The following TNS4 variants were observed in gnomAD, a reference collection of about 807,000 sequenced individuals.
TNS4 encodes tensin-4.
TNS4 carries 46 observed loss-of-function variants against 70.4 expected under a neutral mutation model. The ratio of observed to expected loss-of-function variants is 0.65; its 90% CI spans 0.52 to 0.84. The LOEUF (loss-of-function observed/expected upper bound fraction) is 0.84. TNS4 is among the 40% of genes least tolerant of loss of function. TNS4 has a pLI of 0.00. For synonymous variants in TNS4, 390 were observed against 366.6 expected (o/e 1.06, Z -0.73); for missense variants, 863 against 907.0 (o/e 0.95, Z 0.62).
intron 2 of TNS4, among the ~76,000 whole-genome samples, chr17:40,491,432 G>A (rs1378220606): frequency 6.6e-6 from 1 of 152,222 alleles, no homozygotes; most frequent in Non-Finnish European, 1.5e-5. Context: ...AAGGTGAAGT[G>A]AGTTATCCAA....
chr17:40,492,909 T>C (rs2036094630), intron 2 of TNS4, among the ~76,000 whole-genome samples: 1 of 151,954 alleles, frequency 6.6e-6, no homozygotes, highest in Non-Finnish European at 1.5e-5. Context: ...TAGCTGGGCA[T>C]AGTGGTGGGC....
rs1246265585 is a variant in TNS4 at position 40,488,784 on chromosome 17, T to C, written c.625A>G (p.Arg209Gly). Residue 209 changes from arginine to glycine, a missense_variant, in exon 3 of 13, where the codon AGG becomes GGG. Coordinates refer to ENST00000254051, the MANE Select transcript of TNS4 (RefSeq NM_032865.6). ...ESLIFSGNQG[R>G]GHQRPLPPSE... is the part of the protein sequence containing the mutation. ...GGGGGCAGAGGGCGCTGGTGCCCCC[T>C]GCCCTGGTTCCCAGAGAAGATGAGG... is the stretch of plus-strand genomic sequence containing the variant. 6.2e-7 allele frequency: 1 copy of C among 1,611,530 alleles called. No individual in the cohort carries two copies. Among genetic ancestry groups the C allele is most frequent in the Non-Finnish European group, 8.5e-7 (1 of 1,179,426 alleles).
intron 11 of TNS4, 93 bp from the exon 12 acceptor site, chr17:40,478,426 C>A (rs947291533): frequency 1.4e-4 from 214 of 1,521,106 alleles, no homozygotes; most frequent in Non-Finnish European, 1.8e-4. Context: ...TGCGTCCCCA[C>A]CCCACCATGC....
rs370225534 is a variant in TNS4 at position 40,479,391 on chromosome 17, C to T, written c.1910+283G>A. Among the ~76,000 whole-genome samples the T allele has an allele frequency of 4.6e-4, 70 of 152,346 alleles. No homozygotes were observed. In the South Asian group the frequency reaches 0.014, roughly 31 times the overall value. On this transcript the variant is annotated intron_variant, in intron 10 of 12. Transcript: ENST00000254051. Reference sequence around the variant, plus strand: ...CGAACTCCTGACCTCAGGTGATCCGCCCGCCTCGGCCTCCCAAAGTGCTGG... The same window carrying T: ...CGAACTCCTGACCTCAGGTGATCCGTCCGCCTCGGCCTCCCAAAGTGCTGG...
In TNS4 at chr17:40,484,251, G is replaced by C. The variant is rs549951970; in HGVS notation, c.1501+233C>G. 1.1e-4 allele frequency among the ~76,000 whole-genome samples: 16 copies of C among 152,304 alleles called. No individual in the cohort carries two copies. In the East Asian group the frequency reaches 2.1e-3, roughly 20 times the overall value. On this transcript the variant is annotated intron_variant, in intron 6 of 12. Transcript: ENST00000254051. The stretch of plus-strand genomic sequence containing the variant: ...CACCATCAGAAAAAAGCAGGGAAGT[G>C]GGGGTGGGGCTCGGGAAGGCAGAAG...
rs550478960 is a variant in TNS4 at position 40,496,299 on chromosome 17, A to C, written c.127T>G (p.Tyr43Asp). The C allele has an allele frequency of 1.8e-5, 29 of 1,613,348 alleles. No individual in the cohort carries two copies. In the South Asian group the frequency reaches 2.6e-4, roughly 15 times the overall value. ...SPSLPPQCSY[Y>D]TTEGWGAQAL... The stretch of plus-strand genomic sequence containing the variant: ...TGGGCTCCCCAGCCTTCCGTGGTGT[A>C]GTAAGAACACTGGGGTGGCAGGCTG... The change falls in exon 2 of 13, where the codon TAC becomes GAC. Residue 43 changes from tyrosine to aspartate, a missense_variant. Tyr to Asp is a radical substitution (Grantham distance 160, BLOSUM62 -3). Coordinates refer to ENST00000254051, the MANE Select transcript of TNS4 (RefSeq NM_032865.6).
intron 8 of TNS4, among the ~76,000 whole-genome samples, chr17:40,481,651 T>C (rs926409308): frequency 6.6e-6 from 1 of 152,060 alleles, no homozygotes; most frequent in African/African-American, 2.4e-5. Context: ...CAGGCGTGAG[T>C]CACCACGCCC....
intron 1 of TNS4, among the ~76,000 whole-genome samples, chr17:40,497,369 T>G (rs2036158941): frequency 6.6e-6 from 1 of 152,140 alleles, no homozygotes; most frequent in South Asian, 2.1e-4. Context: ...TTTGGGAGTC[T>G]GAGGTGGGCT....
intron 4 of TNS4, 75 bp downstream of exon 4, chr17:40,486,961 C>T: frequency 6.4e-7 from 1 of 1,552,130 alleles, no homozygotes; most frequent in African/African-American, 1.4e-5. Context: ...TGTTGACTGG[C>T]TGTTGCAGAA....
intron 2 of TNS4, among the ~76,000 whole-genome samples, chr17:40,492,699 C>T (rs2036090235): frequency 6.6e-6 from 1 of 150,978 alleles, no homozygotes; most frequent in Non-Finnish European, 1.5e-5. Flanking sequence ...CTTGAGGTAG[C>T]CTGGGCAACA....
intron 2 of TNS4, among the ~76,000 whole-genome samples, chr17:40,495,010 C>T (rs556892127): frequency 1.3e-5 from 2 of 152,086 alleles, no homozygotes; most frequent in South Asian, 4.2e-4. Context: ...TAGGAATTTC[C>T]AGGTTCCTTT....
At chr17:40,500,536 C>A (rs1414722814) in intron 1 of TNS4, among the ~76,000 whole-genome samples, 2 of 152,158 alleles carry the variant, frequency 1.3e-5, no homozygotes, top group African/African-American at 4.8e-5. Flanking sequence ...GTGCCCCCTA[C>A]CCGCTCCCAC....
chr17:40,481,410 G>T lies in TNS4; in HGVS notation c.1673-642C>A, dbSNP rs989297233. 2.0e-5 allele frequency among the ~76,000 whole-genome samples: 3 copies of T among 151,944 alleles called. No homozygotes were observed. The South Asian group carries it at 6.2e-4, about 31-fold the overall frequency. ...CTTGCTCTGTCGCTCTGTCACCCAG[G>T]CTAGAGTGCAGTGGTGCGATCTTAG... On this transcript the variant is annotated intron_variant, in intron 8 of 12. Transcript: ENST00000254051.
At position 40,479,787 on chromosome 17, in the gene TNS4, C is replaced by T; in HGVS notation, c.1797G>A (p.Leu599=). Residue 599 remains leucine (L), a synonymous_variant, in exon 10 of 13, where the codon CTG becomes CTA. Coordinates refer to ENST00000254051, the MANE Select transcript of TNS4 (RefSeq NM_032865.6). ...TGGTGGAGATGGCTTTCTGCACGGC[C>T]AGGGCTCCAGTCAGGGTCTCCACGC... The part of the protein sequence containing the change: ...SVSVETLTGA[L]AVQKAISTTF... 2 of 1,613,970 alleles carry T rather than the reference C, an allele frequency of 1.2e-6. No individual in the cohort carries two copies. The highest frequency in any genetic ancestry group is 1.7e-6 in the Non-Finnish European group (2 of 1,179,994).
intron 6 of TNS4, among the ~76,000 whole-genome samples, chr17:40,483,003 G>A (rs79091232): frequency 0.012 from 1,787 of 150,960 alleles, 39 homozygotes; most frequent in African/African-American, 0.041. Context: ...AGACTGGAGT[G>A]CAGCGGCATG....
chr17:40,477,726 G>A lies in TNS4; in HGVS notation c.2010C>T (p.Ile670=), dbSNP rs2143772806. The A allele has an allele frequency of 5.6e-6, 9 of 1,609,194 alleles. No homozygotes were observed. Among genetic ancestry groups the A allele is most frequent in the Admixed American group, 1.7e-5 (1 of 59,878 alleles). ...KWQKYCKPSW[I]FGFVAKSQTE... is the part of the protein sequence containing the mutation. The stretch of plus-strand genomic sequence containing the variant: ...TCTGGCTCTTGGCCACAAACCCAAA[G>A]ATCCTGGTGGGGGAGGGCAGTCTGA... The change falls in exon 13 of 13, where the codon ATC becomes ATT. Residue 670 remains isoleucine, a synonymous_variant. Coordinates refer to ENST00000254051, the MANE Select transcript of TNS4 (RefSeq NM_032865.6).
In TNS4 at chr17:40,477,659, C is replaced by A; in HGVS notation, c.2077G>T (p.Asp693Tyr). The A allele has an allele frequency of 6.2e-7, 1 of 1,614,136 alleles. No individual in the cohort carries two copies. Among genetic ancestry groups the A allele is most frequent in the East Asian group, 2.2e-5 (1 of 44,872 alleles). ...ACCTGCGAGGCTGGCTGGACCATGT[C>A]ATACTCCGCAAAGAGGTGGCATACG... is the stretch of plus-strand genomic sequence containing the variant. ...ENVCHLFAEY[D>Y]MVQPASQVIG... The change falls in exon 13 of 13, where the codon GAC becomes TAC. Residue 693 changes from aspartate (D) to tyrosine (Y), a missense_variant. Physicochemically the swap from Asp to Tyr is radical, Grantham distance 160 (BLOSUM62 -3). Transcript: ENST00000254051.
At chr17:40,486,317 C>T (rs1013745085) in intron 4 of TNS4, among the ~76,000 whole-genome samples, 1 of 152,242 alleles carries the variant, frequency 6.6e-6, no homozygotes, top group Admixed American at 6.5e-5. Flanking sequence ...AGAACTGACT[C>T]GCCCTCTTGC....
At chr17:40,480,961 T>C (rs1468241011) in intron 8 of TNS4, 193 bp from the exon 9 acceptor site, 5 of 604,254 alleles carry the variant, frequency 8.3e-6, no homozygotes, top group African/African-American at 2.0e-5. Flanking sequence ...AAATGCTTAG[T>C]TTGCAACCCT....
Sources: allele counts gnomAD v4.1 joint callset (sites outside exome capture counted in the v4.1 genomes callset), GRCh38; gene constraint gnomAD v4.1.1; transcripts MANE v1.5; gene names NCBI Gene and HGNC (gene_info 2026-07-23, HGNC 2026-07-21).